EBF4: variants seen among roughly 807,000 people sequenced by gnomAD.
The protein encoded by EBF4 is EBF transcription factor 4.
Under a neutral mutation model 67.1 loss-of-function variants are expected in EBF4, and 34 were observed. The ratio of observed to expected loss-of-function variants is 0.51; its 90% CI spans 0.39 to 0.67. EBF4 has a LOEUF of 0.67. Ranked by LOEUF, EBF4 falls within the 30% of genes least tolerant of loss-of-function variation. The pLI, the probability that EBF4 is intolerant of heterozygous loss-of-function variation, is 0.00. For synonymous variants in EBF4, 387 were observed against 377.7 expected (o/e 1.02, Z -0.29); for missense variants, 837 against 873.3 (o/e 0.96, Z 0.52).
chr20:2,727,154 C>T (rs1007849112), intron 6 of EBF4, among the ~76,000 whole-genome samples: 1 of 151,842 alleles, frequency 6.6e-6, no homozygotes. Context: ...TATATACCAC[C>T]TTTTATTATA....
At position 2,755,119 on chromosome 20, in the gene EBF4, G is replaced by A. The variant is rs1196434864; in HGVS notation, c.1541-508G>A. On this transcript the variant is annotated intron_variant, in intron 14 of 16. Coordinates refer to ENST00000609451, the Ensembl canonical transcript of EBF4. This position sits in a 1 kb window ranked among gnomAD's most constrained non-coding sequence, Gnocchi z 4.7. ...GGAGAGCATATTTGAGGAGGAAGTT[G>A]GAGTGCTGTTTGTGATGCTGGGCAG... 6.3e-6 allele frequency: 1 copy of A among 159,840 alleles called. No homozygotes were observed. The highest frequency in any genetic ancestry group is 1.4e-5 in the Non-Finnish European group (1 of 73,386). 9.9% of individuals were successfully genotyped at this position (159,840 alleles called of 1,614,324 possible).
chr20:2,736,794 G>C (rs138974364), intron 6 of EBF4, among the ~76,000 whole-genome samples: 1 of 151,780 alleles, frequency 6.6e-6, no homozygotes, highest in East Asian at 1.9e-4. Flanking sequence ...CATGTGCTCC[G>C]AAGGTCATAT....
At chr20:2,694,304 G>A (rs2087256685) in intron 1 of EBF4, among the ~76,000 whole-genome samples, 1 of 152,208 alleles carries the variant, frequency 6.6e-6, no homozygotes, top group Admixed American at 6.5e-5. Flanking sequence ...AAGAGATGAG[G>A]TGGGCAGTCG....
rs2087475909 is a variant in EBF4 at position 2,707,513 on chromosome 20, GAGA to G, written c.415-431_415-429del. ...GCTGACTGGGCTGGCAGGGATAGCT[GAGA>G]AGGACAACACTCATCAACAGAAGCA... On this transcript the variant is annotated intron_variant, in intron 4 of 16. Coordinates refer to ENST00000609451, the Ensembl canonical transcript of EBF4. This position sits in a 1 kb window ranked among gnomAD's most constrained non-coding sequence, Gnocchi z 4.6. Among the ~76,000 whole-genome samples the G allele has an allele frequency of 6.6e-6, 1 of 152,036 alleles. No individual in the cohort carries two copies. Among genetic ancestry groups the G allele is most frequent in the Admixed American group, 6.5e-5 (1 of 15,280 alleles).
At chr20:2,736,571 A>G (rs1330238485) in intron 6 of EBF4, among the ~76,000 whole-genome samples, 7 of 152,144 alleles carry the variant, frequency 4.6e-5, no homozygotes, top group African/African-American at 1.7e-4. Flanking sequence ...TCATGCTGCA[A>G]GCACAGACTT....
At chr20:2,759,810 C>G (rs1450756117), downstream of EBF4, 3 of 152,324 alleles carry the variant, frequency 2.0e-5, no homozygotes, top group Admixed American at 2.0e-4. Context: ...CAGCTGCCCC[C>G]ACTTCCTTTG....
intron 6 of EBF4, among the ~76,000 whole-genome samples, chr20:2,737,007 T>C (rs1461130705): frequency 6.6e-6 from 1 of 151,756 alleles, no homozygotes; most frequent in Non-Finnish European, 1.5e-5. Context: ...CCCAGCACTT[T>C]GGGAGGCCAA....
At chr20:2,754,367 G>A (rs901924752) in intron 14 of EBF4, among the ~76,000 whole-genome samples, 2 of 152,128 alleles carry the variant, frequency 1.3e-5, no homozygotes, top group Non-Finnish European at 2.9e-5. Flanking sequence ...AGCAACCCTG[G>A]AATGAATCAC....
At chr20:2,706,673 C>T (rs949696291) in intron 4 of EBF4, among the ~76,000 whole-genome samples, 7 of 152,112 alleles carry the variant, frequency 4.6e-5, no homozygotes, top group Non-Finnish European at 1.0e-4. Flanking sequence ...TTTTGCACCC[C>T]GTATCAATTA....
intron 6 of EBF4, among the ~76,000 whole-genome samples, chr20:2,719,072 C>T (rs2087646008): frequency 6.6e-6 from 1 of 151,984 alleles, no homozygotes; most frequent in African/African-American, 2.4e-5. Flanking sequence ...CTCCTAGAAT[C>T]TTTTTATTAT....
intron 1 of EBF4, among the ~76,000 whole-genome samples, chr20:2,700,759 CCT>C (rs756837643): frequency 6.7e-6 from 1 of 149,832 alleles, no homozygotes; most frequent in Non-Finnish European, 1.5e-5. Context: ...CTTCCCCAGC[CCT>C]CTCTCTTTGG....
chr20:2,724,969 G>A (rs1041482013), intron 6 of EBF4, among the ~76,000 whole-genome samples: 2 of 152,142 alleles, frequency 1.3e-5, no homozygotes, highest in African/African-American at 4.8e-5. Context: ...TCTTCTCTCT[G>A]GCAGTATATG....
intron 6 of EBF4, among the ~76,000 whole-genome samples, chr20:2,736,639 A>G (rs566056632): frequency 9.8e-5 from 15 of 152,286 alleles, no homozygotes; most frequent in African/African-American, 3.6e-4. Flanking sequence ...CTGCTGGGTC[A>G]GTGCTGAGGT....
At chr20:2,716,546 A>G (rs970121697) in intron 6 of EBF4, among the ~76,000 whole-genome samples, 3 of 150,696 alleles carry the variant, frequency 2.0e-5, no homozygotes, top group East Asian at 3.9e-4. Flanking sequence ...AAAAAAAAAA[A>G]TTCTTTTTCT....
chr20:2,715,818 G>A (rs146039326), intron 6 of EBF4, among the ~76,000 whole-genome samples: 106 of 152,148 alleles, frequency 7.0e-4, no homozygotes, highest in East Asian at 5.8e-3. Context: ...GCGCAATCTC[G>A]GCTCACTGCA....
In EBF4 at chr20:2,751,888, C is replaced by T; in HGVS notation, c.1108-34C>T. On this transcript the variant is annotated intron_variant, in intron 11 of 16. Coordinates refer to ENST00000609451, the Ensembl canonical transcript of EBF4. This position sits in a 1 kb window ranked among gnomAD's most constrained non-coding sequence, Gnocchi z 5.2. ...CCCCTTGGTCGCCCCCAGGGGCTGC[C>T]CCTCCGTCCCGCTGTCTCTCCCCCT... The T allele has an allele frequency of 6.5e-7, 1 of 1,549,086 alleles. No individual in the cohort carries two copies. The highest frequency in any genetic ancestry group is 8.7e-7 in the Non-Finnish European group (1 of 1,146,740).
At chr20:2,720,927 G>A (rs967841055) in intron 6 of EBF4, among the ~76,000 whole-genome samples, 3 of 152,114 alleles carry the variant, frequency 2.0e-5, no homozygotes, top group African/African-American at 7.2e-5. Context: ...CTGTGTTTCT[G>A]ATAAGAAATC....
rs1297242924 is a variant in EBF4 at position 2,696,245 on chromosome 20, G to C, written c.137+2463G>C. ...CCAGCACTTTGGGAGGCCAAGGTGG[G>C]CGTTTCACTTGAGGCCAGGAGTTCG... is the stretch of plus-strand genomic sequence containing the variant. On this transcript the variant is annotated intron_variant, in intron 1 of 16. Transcript: ENST00000609451. This position sits in a 1 kb window ranked among gnomAD's most constrained non-coding sequence, Gnocchi z 4.7. Among the ~76,000 whole-genome samples, 2 of 152,174 alleles carry C rather than the reference G, an allele frequency of 1.3e-5. No homozygotes were observed. Among genetic ancestry groups the C allele is most frequent in the Admixed American group, 6.5e-5 (1 of 15,268 alleles).
rs750813790 is a variant in EBF4 at position 2,693,671 on chromosome 20, C to T, written c.26C>T (p.Pro9Leu). 9 of 1,446,096 alleles carry T rather than the reference C, an allele frequency of 6.2e-6. No individual in the cohort carries two copies. The South Asian group carries it at 9.5e-5, about 15-fold the overall frequency. The allele number at this position is 1,446,096 out of a possible 1,614,324, so 89.6% of individuals were successfully genotyped here. The stretch of plus-strand genomic sequence containing the variant: ...ATGTTCCCTGCGCAGGACGCTCTGC[C>T]CCGCAGCGGGCTGAACCTGAAGGAG... The change falls in exon 1 of 17, where the codon CCC (proline) becomes CTC (leucine). Residue 9 changes from proline (P) to leucine (L), a missense_variant. Pro to Leu is a moderately conservative substitution (Grantham distance 98). Coordinates refer to ENST00000609451, the Ensembl canonical transcript of EBF4. The surrounding 1 kb of genome is among the most constrained non-coding windows in gnomAD (Gnocchi z 4.6).
Sources: gnomAD v4.1 joint callset for allele counts (sites outside exome capture counted in the v4.1 genomes callset) on GRCh38, gnomAD v4.1.1 for gene constraint, Gnocchi (gnomAD v3.1) non-coding constraint, MANE v1.5 for transcripts, NCBI Gene and HGNC (gene_info 2026-07-23, HGNC 2026-07-21) for gene names.